NOX4: variants seen among roughly 807,000 people sequenced by gnomAD.
The protein encoded by NOX4 is NADPH oxidase 4.
NOX4 carries 69 observed loss-of-function variants against 87.6 expected under a neutral mutation model. The observed-to-expected ratio is 0.79, with a 90% confidence interval of 0.65 to 0.96. The LOEUF (loss-of-function observed/expected upper bound fraction) is 0.96. Among genes scored for constraint, NOX4 ranks in the 40% least tolerant of loss-of-function variants. The probability of loss-of-function intolerance (pLI) is 0.00; values close to 1 mark genes in which losing one functional copy is unlikely to be tolerated. For synonymous variants in NOX4, 275 were observed against 238.2 expected, an observed-to-expected ratio of 1.15 and a Z score of -1.42; for missense variants, 680 against 681.5, an observed-to-expected ratio of 1.00 and a Z score of 0.02.
intron 6 of NOX4, among the ~76,000 whole-genome samples, chr11:89,439,683 C>T (rs563618234): frequency 6.6e-6 from 1 of 152,102 alleles, no homozygotes; most frequent in Non-Finnish European, 1.5e-5. Context: ...TCCCCAAATG[C>T]ATCTTTATTC....
chr11:89,505,986 T>C, the NOX4 span, among the ~76,000 whole-genome samples: 2 of 151,870 alleles, frequency 1.3e-5, no homozygotes, highest in Non-Finnish European at 2.9e-5. Flanking sequence ...TGCTACTGTC[T>C]TGAGAGAGTT....
chr11:89,564,885 A>G, the NOX4 span, among the ~76,000 whole-genome samples: 1 of 152,150 alleles, frequency 6.6e-6, no homozygotes, highest in Non-Finnish European at 1.5e-5. Flanking sequence ...TTGCAGCTTA[A>G]TATTTCTGTT....
intron 8 of NOX4, among the ~76,000 whole-genome samples, chr11:89,416,244 T>C (rs550759502): frequency 7.2e-5 from 11 of 152,262 alleles, no homozygotes; most frequent in African/African-American, 2.6e-4. Flanking sequence ...GAAAAGAACA[T>C]AGAGGAAAGT....
intron 7 of NOX4, among the ~76,000 whole-genome samples, chr11:89,428,243 C>T (rs960773092): frequency 2.6e-4 from 39 of 152,164 alleles, no homozygotes; most frequent in Admixed American, 2.0e-3. Context: ...AAGGAACAAC[C>T]GGTACCAGCC....
chr11:89,340,123 T>A lies in NOX4; in HGVS notation c.1386A>T (p.Val462=). 6.3e-7 allele frequency: 1 copy of A among 1,588,874 alleles called. No individual in the cohort carries two copies. The highest frequency in any genetic ancestry group is 8.5e-7 in the Non-Finnish European group (1 of 1,171,872). ...YKLRRLYFIW[V]CRDIQSFRWF... is the part of the protein sequence containing the mutation. ...AACGGAAGGACTGGATATCTCTGCA[T>A]ACCCAAATAAAGTATAGTCTTCTAA... Residue 462 remains valine (V), a synonymous_variant, in exon 15 of 18, where the codon GTA becomes GTT. Transcript: ENST00000263317.
chr11:89,432,352 T>C (rs900713638), intron 7 of NOX4, among the ~76,000 whole-genome samples: 1 of 151,348 alleles, frequency 6.6e-6, no homozygotes, highest in Non-Finnish European at 1.5e-5. Context: ...AGTATAATAA[T>C]AAAAAAATAA....
chr11:89,407,080 G>A (rs1942228469), intron 8 of NOX4, among the ~76,000 whole-genome samples: 1 of 152,036 alleles, frequency 6.6e-6, no homozygotes, highest in Non-Finnish European at 1.5e-5. Context: ...CATACTCACT[G>A]CCAAACCTCT....
At chr11:89,571,981 T>C in the NOX4 span, among the ~76,000 whole-genome samples, 3 of 152,216 alleles carry the variant, frequency 2.0e-5, no homozygotes, top group South Asian at 2.1e-4. Flanking sequence ...AAATTGTGTA[T>C]TGGTGTATTC....
intron 8 of NOX4, among the ~76,000 whole-genome samples, chr11:89,406,643 G>A (rs1180288671): frequency 1.3e-5 from 2 of 152,110 alleles, no homozygotes; most frequent in Non-Finnish European, 2.9e-5. Context: ...AATGGTCTAA[G>A]TCTCTGATGA....
At chr11:89,357,444 T>C (rs1938155289) in intron 12 of NOX4, among the ~76,000 whole-genome samples, 1 of 152,186 alleles carries the variant, frequency 6.6e-6, no homozygotes, top group Non-Finnish European at 1.5e-5. Context: ...TTTCTTTCAA[T>C]CAAATGACTA....
At chr11:89,404,162 C>A (rs1250256156) in intron 8 of NOX4, among the ~76,000 whole-genome samples, 1 of 152,012 alleles carries the variant, frequency 6.6e-6, no homozygotes, top group African/African-American at 2.4e-5. Context: ...TCTAGTCACC[C>A]AATACAATTG....
the NOX4 span, among the ~76,000 whole-genome samples, chr11:89,579,452 A>G: frequency 4.6e-5 from 7 of 152,060 alleles, no homozygotes; most frequent in South Asian, 2.1e-4. Context: ...CAATTTTGCT[A>G]TGAACCTAAA....
chr11:89,452,684 C>T (rs1009713342), intron 2 of NOX4, among the ~76,000 whole-genome samples: 3 of 151,978 alleles, frequency 2.0e-5, no homozygotes, highest in Non-Finnish European at 4.4e-5. Context: ...AAACACTTAT[C>T]ATTTCTTTGT....
intron 12 of NOX4, among the ~76,000 whole-genome samples, chr11:89,371,762 C>A (rs1219273434): frequency 2.0e-5 from 3 of 151,682 alleles, no homozygotes; most frequent in African/African-American, 4.8e-5. Context: ...CCAGTGTATA[C>A]CTATCAGAGG....
the NOX4 span, among the ~76,000 whole-genome samples, chr11:89,575,714 T>A: frequency 1.3e-5 from 2 of 152,128 alleles, no homozygotes; most frequent in African/African-American, 4.8e-5. Context: ...CAACCTTCCT[T>A]CCTTCTTTCC....
At chr11:89,548,222 A>G in the NOX4 span, 2 of 152,204 alleles carry the variant, frequency 1.3e-5, no homozygotes, top group South Asian at 4.1e-4. Flanking sequence ...GTGTCTTTGG[A>G]AAGTAATTAG....
chr11:89,398,208 A>C (rs1211109241), intron 11 of NOX4, among the ~76,000 whole-genome samples: 1 of 152,146 alleles, frequency 6.6e-6, no homozygotes, highest in Non-Finnish European at 1.5e-5. Flanking sequence ...AGAACCAAAG[A>C]CAAAAACCAC....
chr11:89,498,828 G>C (rs1294095266), upstream of NOX4: 6 of 152,334 alleles, frequency 3.9e-5, no homozygotes, highest in African/African-American at 1.4e-4. Context: ...AGGTTAACTA[G>C]ATAGGTCTTC....
chr11:89,573,041 GAATT>G, the NOX4 span, among the ~76,000 whole-genome samples: 1 of 151,958 alleles, frequency 6.6e-6, no homozygotes, highest in East Asian at 1.9e-4. Flanking sequence ...ACATGTACTA[GAATT>G]AATTGATACT....
Sources: gnomAD v4.1 joint callset for allele counts (sites outside exome capture counted in the v4.1 genomes callset) on GRCh38, gnomAD v4.1.1 for gene constraint, MANE v1.5 for transcripts, NCBI Gene and HGNC (gene_info 2026-07-23, HGNC 2026-07-21) for gene names.